Variants in PPP3R1 observed in about 807,000 individuals in gnomAD.
The protein encoded by PPP3R1 is calcineurin subunit B type 1.
PPP3R1 carries 5 observed loss-of-function variants against 22.6 expected under a neutral mutation model. The ratio of observed to expected loss-of-function variants is 0.22; its 90% CI spans 0.12 to 0.46. The LOEUF (loss-of-function observed/expected upper bound fraction) is 0.46, where lower values mean the gene tolerates loss of function less well. Ranked by LOEUF, PPP3R1 falls within the 20% of genes least tolerant of loss-of-function variation. The pLI is 0.99. For missense variants in PPP3R1, 61 were observed against 203.2 expected (o/e 0.30, Z 4.25); for synonymous variants, 56 against 65.2 (o/e 0.86, Z 0.68).
At chr2:68,203,828 C>T (rs185312166) in intron 2 of PPP3R1, among the ~76,000 whole-genome samples, 1 of 152,128 alleles carries the variant, frequency 6.6e-6, no homozygotes, top group East Asian at 1.9e-4. Context: ...ACAGAAACAG[C>T]GTTCTAACGG....
intron 2 of PPP3R1, among the ~76,000 whole-genome samples, chr2:68,215,944 A>G (rs540108343): frequency 6.6e-6 from 1 of 152,270 alleles, no homozygotes; most frequent in East Asian, 1.9e-4. Context: ...TTATAAATAA[A>G]ACACACTATA....
chr2:68,211,222 C>A (rs565008839), intron 2 of PPP3R1, among the ~76,000 whole-genome samples: 2 of 151,988 alleles, frequency 1.3e-5, no homozygotes, highest in Admixed American at 6.5e-5. Context: ...CTGGCTAACA[C>A]AATGAAACCC....
intron 1 of PPP3R1, among the ~76,000 whole-genome samples, chr2:68,235,358 G>A (rs962176100): frequency 2.0e-5 from 3 of 152,142 alleles, no homozygotes; most frequent in African/African-American, 7.2e-5. Flanking sequence ...TCTACTGGCA[G>A]TCATTCCCCA....
chr2:68,202,401 CGTTTTTT>C (rs1028851903), intron 2 of PPP3R1, among the ~76,000 whole-genome samples: 1 of 127,186 alleles, frequency 7.9e-6, no homozygotes, highest in Admixed American at 8.4e-5. Flanking sequence ...TTTCTTTTTT[CGTTTTTT>C]GTTGTTGTTG....
At chr2:68,220,500 C>T (rs1023451619) in intron 1 of PPP3R1, among the ~76,000 whole-genome samples, 2 of 152,208 alleles carry the variant, frequency 1.3e-5, no homozygotes, top group Admixed American at 6.5e-5. Context: ...GTCCTCAGAA[C>T]GACTATATTG....
chr2:68,230,517 T>A (rs552618465), intron 1 of PPP3R1, among the ~76,000 whole-genome samples: 20 of 152,270 alleles, frequency 1.3e-4, no homozygotes, highest in Admixed American at 3.3e-4. Flanking sequence ...TAGAACCACA[T>A]CAGTATTGTA....
chr2:68,209,045 T>A (rs2103758314), intron 2 of PPP3R1, among the ~76,000 whole-genome samples: 1 of 84,286 alleles, frequency 1.2e-5, no homozygotes, highest in Non-Finnish European at 2.6e-5. Context: ...GGTATCACCA[T>A]TTTTTTTTAA....
chr2:68,187,165 A>G (rs2103720112), intron 4 of PPP3R1, 90 bp downstream of exon 4: 1 of 1,083,784 alleles, frequency 9.2e-7, no homozygotes, highest in Middle Eastern at 2.1e-4. Flanking sequence ...AATAAAAGAC[A>G]TCTTTTTCAT....
At chr2:68,197,102 A>G (rs532738691) in intron 2 of PPP3R1, among the ~76,000 whole-genome samples, 5 of 152,204 alleles carry the variant, frequency 3.3e-5, no homozygotes, top group Admixed American at 1.3e-4. Context: ...ATATGGTTAT[A>G]TAAGTTTTGA....
intron 1 of PPP3R1, among the ~76,000 whole-genome samples, chr2:68,235,436 G>T (rs1246950698): frequency 2.0e-5 from 3 of 152,022 alleles, no homozygotes; most frequent in African/African-American, 4.8e-5. Context: ...TGCCTATTCT[G>T]GATATTAAAT....
At chr2:68,239,480 G>T (rs1670077656) in intron 1 of PPP3R1, among the ~76,000 whole-genome samples, 1 of 152,140 alleles carries the variant, frequency 6.6e-6, no homozygotes, top group South Asian at 2.1e-4. Context: ...AAAAAACAGA[G>T]AATAATGAAG....
chr2:68,252,056 G>GC, intron 1 of PPP3R1, 69 bp downstream of exon 1: 5 of 1,332,432 alleles, frequency 3.8e-6, no homozygotes, highest in South Asian at 1.7e-5. Flanking sequence ...GTCGGGGCTC[G>GC]CCCCCGCACC....
chr2:68,243,014 C>G (rs1670163379), intron 1 of PPP3R1, among the ~76,000 whole-genome samples: 1 of 152,040 alleles, frequency 6.6e-6, no homozygotes. Flanking sequence ...TTACCAACAC[C>G]AGAAAAACAA....
chr2:68,237,740 C>T (rs1288051499), intron 1 of PPP3R1, among the ~76,000 whole-genome samples: 2 of 151,870 alleles, frequency 1.3e-5, no homozygotes, highest in Non-Finnish European at 2.9e-5. Flanking sequence ...ATCTTTATAC[C>T]TGAAACTATG....
chr2:68,180,876 AC>A lies in PPP3R1; in HGVS notation c.*86del. 7.5e-7 allele frequency: 1 copy of A among 1,336,704 alleles called. No homozygotes were observed. Among genetic ancestry groups the A allele is most frequent in the South Asian group, 1.2e-5 (1 of 80,746 alleles). The allele number at this position is 1,336,704 out of a possible 1,614,324, so 82.8% of individuals were successfully genotyped here. Reference sequence around the variant, plus strand: ...CAGAGAAAAATACTTCCATTTAAATACACAGAGAGCATTGCTGGACGTCTTG... The same window carrying A: ...CAGAGAAAAATACTTCCATTTAAATAACAGAGAGCATTGCTGGACGTCTTG... On this transcript the variant is annotated 3_prime_UTR_variant, in exon 6 of 6. Coordinates refer to ENST00000234310, the MANE Select transcript of PPP3R1 (RefSeq NM_000945.4).
intron 1 of PPP3R1, among the ~76,000 whole-genome samples, chr2:68,218,619 ATG>A (rs916188124): frequency 2.5e-5 from 3 of 117,928 alleles, no homozygotes; most frequent in African/African-American, 3.3e-5. Flanking sequence ...AATTTTTTTA[ATG>A]TTTTTTTTTC....
chr2:68,241,463 T>C (rs1670136024), intron 1 of PPP3R1, among the ~76,000 whole-genome samples: 1 of 152,222 alleles, frequency 6.6e-6, no homozygotes, highest in Non-Finnish European at 1.5e-5. Flanking sequence ...GCTTATGATA[T>C]TTGTTCAAGG....
chr2:68,245,411 T>C (rs1670216698), intron 1 of PPP3R1, among the ~76,000 whole-genome samples: 1 of 152,224 alleles, frequency 6.6e-6, no homozygotes. Flanking sequence ...CATTATCACA[T>C]TTGTTAAATA....
intron 5 of PPP3R1, among the ~76,000 whole-genome samples, chr2:68,185,364 T>C (rs1384783785): frequency 6.7e-6 from 1 of 148,866 alleles, no homozygotes; most frequent in Non-Finnish European, 1.5e-5. Flanking sequence ...TGATGTGATA[T>C]ACTTATTACA....
Sources: gnomAD v4.1 joint callset for allele counts (sites outside exome capture counted in the v4.1 genomes callset) on GRCh38, gnomAD v4.1.1 for gene constraint, MANE v1.5 for transcripts, NCBI Gene and HGNC (gene_info 2026-07-23, HGNC 2026-07-21) for gene names.